SPIN1: variants seen among roughly 807,000 people sequenced by gnomAD.
The protein encoded by SPIN1 is spindlin-1.
Under a neutral mutation model 26.0 loss-of-function variants are expected in SPIN1, and 3 were observed. The observed-to-expected ratio is 0.12, with a 90% CI of 0.05 to 0.30. SPIN1 has a LOEUF of 0.30. Ranked by LOEUF, SPIN1 falls within the 10% of genes least tolerant of loss-of-function variation. SPIN1 has a pLI of 1.00. For missense variants in SPIN1, 126 were observed against 333.4 expected, an observed-to-expected ratio of 0.38 and a Z score of 4.84; for synonymous variants, 101 against 116.5, an observed-to-expected ratio of 0.87 and a Z score of 0.86.
chr9:88,445,473 G>A (rs1828228910), intron 2 of SPIN1, among the ~76,000 whole-genome samples: 1 of 150,906 alleles, frequency 6.6e-6, no homozygotes, highest in Non-Finnish European at 1.5e-5. Context: ...AGGTAGTACA[G>A]TAAGCTTTTG....
chr9:88,437,492 T>C (rs1367959350), intron 2 of SPIN1, among the ~76,000 whole-genome samples: 1 of 149,890 alleles, frequency 6.7e-6, no homozygotes, highest in Non-Finnish European at 1.5e-5. Context: ...AGTAAGACCC[T>C]GTCTCAAGAA....
chr9:88,413,249 G>T (rs914858057), intron 1 of SPIN1, among the ~76,000 whole-genome samples: 6 of 150,084 alleles, frequency 4.0e-5, no homozygotes, highest in Non-Finnish European at 8.9e-5. Flanking sequence ...GTAGAGATGG[G>T]ATTTCACCAT....
intron 1 of SPIN1, among the ~76,000 whole-genome samples, chr9:88,399,188 T>C (rs1006313805): frequency 6.6e-6 from 1 of 152,018 alleles, no homozygotes; most frequent in African/African-American, 2.4e-5. Context: ...TGCGCCACCA[T>C]GCCTGGCTAG....
intron 1 of SPIN1, chr9:88,389,338 AC>A (rs1435626380): frequency 6.6e-6 from 1 of 152,190 alleles, no homozygotes; most frequent in Non-Finnish European, 1.5e-5. Flanking sequence ...CGATGCGGGA[AC>A]TGCGCAGCGC....
intron 4 of SPIN1, among the ~76,000 whole-genome samples, chr9:88,467,666 G>GT (rs371932911): frequency 2.6e-3 from 400 of 152,196 alleles, no homozygotes; most frequent in Middle Eastern, 0.014. Context: ...CAGTTTGGTT[G>GT]TTTTTCAAAT....
chr9:88,452,633 G>A (rs1164626473), intron 3 of SPIN1, among the ~76,000 whole-genome samples: 1 of 152,216 alleles, frequency 6.6e-6, no homozygotes, highest in African/African-American at 2.4e-5. Flanking sequence ...TGTAGACAAA[G>A]TAGTGAAAGG....
rs1314531355 is a variant in SPIN1, at chr9:88,454,571, T to G, written c.101+5582T>G. 2.6e-5 allele frequency among the ~76,000 whole-genome samples: 4 copies of G among 152,248 alleles called. No homozygotes were observed. The East Asian group carries it at 7.7e-4, about 29-fold the overall frequency. On this transcript the variant is annotated intron_variant, in intron 3 of 5. Transcript: ENST00000375859. ...TTCTTTTAGGAACTTGTTCAATATA[T>G]AAATAACTTTTTACTGTGGGAAATT... is the stretch of plus-strand genomic sequence containing the variant.
intron 1 of SPIN1, among the ~76,000 whole-genome samples, chr9:88,409,560 G>A (rs1827392912): frequency 6.6e-6 from 1 of 151,932 alleles, no homozygotes; most frequent in South Asian, 2.1e-4. Flanking sequence ...CGACGGCCAG[G>A]TGCGGTGGCT....
chr9:88,402,127 G>A (rs757608233), intron 1 of SPIN1, among the ~76,000 whole-genome samples: 7 of 152,070 alleles, frequency 4.6e-5, no homozygotes, highest in Non-Finnish European at 1.0e-4. Context: ...GAGTAAGCTG[G>A]GATTACAGGT....
chr9:88,447,380 T>C (rs1828272548), intron 2 of SPIN1, among the ~76,000 whole-genome samples: 1 of 152,222 alleles, frequency 6.6e-6, no homozygotes, highest in Non-Finnish European at 1.5e-5. Context: ...CTGCTACTTT[T>C]TTTTGTGTCT....
intron 2 of SPIN1, among the ~76,000 whole-genome samples, chr9:88,436,329 C>T (rs951325107): frequency 6.6e-6 from 1 of 152,140 alleles, no homozygotes; most frequent in African/African-American, 2.4e-5. Context: ...AAAGAGATAA[C>T]GGGCTCTATT....
chr9:88,408,379 T>A, intron 1 of SPIN1, among the ~76,000 whole-genome samples: 1 of 78,524 alleles, frequency 1.3e-5, no homozygotes, highest in South Asian at 3.9e-4. Flanking sequence ...TTTTTTTCTT[T>A]TTTTTTTTTT....
At chr9:88,404,682 G>A (rs1009536402) in intron 1 of SPIN1, among the ~76,000 whole-genome samples, 1 of 151,980 alleles carries the variant, frequency 6.6e-6, no homozygotes, top group African/African-American at 2.4e-5. Context: ...TTGAGAGGCC[G>A]AGGCAGGCAG....
At chr9:88,388,953 A>G (rs959773907) in intron 1 of SPIN1, among the ~76,000 whole-genome samples, 3 of 144,272 alleles carry the variant, frequency 2.1e-5, no homozygotes, top group East Asian at 2.3e-4. Flanking sequence ...GCGCTGCGCC[A>G]GAATGCAGGC....
chr9:88,440,545 TTCTCTG>T (rs1469529786), intron 2 of SPIN1, among the ~76,000 whole-genome samples: 3 of 152,120 alleles, frequency 2.0e-5, no homozygotes, highest in Non-Finnish European at 4.4e-5. Context: ...TTTCTTTTCT[TTCTCTG>T]TCTCTGTCTC....
intron 2 of SPIN1, among the ~76,000 whole-genome samples, chr9:88,440,837 C>T (rs1433119219): frequency 6.6e-6 from 1 of 151,788 alleles, no homozygotes; most frequent in Non-Finnish European, 1.5e-5. Context: ...CCTTGGCCTC[C>T]CAAAGTGCTG....
intron 3 of SPIN1, among the ~76,000 whole-genome samples, chr9:88,460,397 C>T (rs534752426): frequency 2.6e-5 from 4 of 152,122 alleles, no homozygotes; most frequent in African/African-American, 4.8e-5. Flanking sequence ...TCTTGTCTAG[C>T]GATCTCATTT....
chr9:88,421,173 C>T (rs1489854102), intron 1 of SPIN1, among the ~76,000 whole-genome samples: 1 of 152,154 alleles, frequency 6.6e-6, no homozygotes, highest in Non-Finnish European at 1.5e-5. Context: ...CAACATGTTT[C>T]CAAAGAATAT....
chr9:88,453,103 C>T (rs1255548708), intron 3 of SPIN1, among the ~76,000 whole-genome samples: 1 of 151,880 alleles, frequency 6.6e-6, no homozygotes, highest in Non-Finnish European at 1.5e-5. Flanking sequence ...GATGAAAGGT[C>T]GTTTTCCTTT....
Sources: allele counts gnomAD v4.1 joint callset (sites outside exome capture counted in the v4.1 genomes callset), GRCh38; gene constraint gnomAD v4.1.1; transcripts MANE v1.5; gene names NCBI Gene and HGNC (gene_info 2026-07-23, HGNC 2026-07-21).